The following NRG2 variants were observed in gnomAD, a reference collection of about 807,000 sequenced individuals.
NRG2 encodes the protein pro-neuregulin-2, membrane-bound isoform.
A neutral mutation model predicts 73.9 loss-of-function variants in NRG2; 27 were observed. That is an observed-to-expected ratio of 0.37 (90% confidence interval 0.27 to 0.50). NRG2 has a LOEUF of 0.50. Among genes scored for constraint, NRG2 ranks in the 20% least tolerant of loss-of-function variants. NRG2 has a pLI of 0.96. For missense variants in NRG2, 1,126 were observed against 1,210.1 expected (o/e 0.93, Z 1.03); for synonymous variants, 532 against 541.0 (o/e 0.98, Z 0.23).
chr5:139,885,196 G>A (rs1178644990), intron 2 of NRG2, among the ~76,000 whole-genome samples: 1 of 152,164 alleles, frequency 6.6e-6, no homozygotes, highest in Non-Finnish European at 1.5e-5. Flanking sequence ...AACAGGAGAA[G>A]GTGAAATCAC....
In NRG2 at chr5:140,013,027, T is replaced by C. The variant is rs149019333; in HGVS notation, c.700+29343A>G. Among the ~76,000 whole-genome samples, 6 of 152,298 alleles carry C rather than the reference T, an allele frequency of 3.9e-5. No individual in the cohort carries two copies. The East Asian group carries it at 1.2e-3, about 29-fold the overall frequency. On this transcript the variant is annotated intron_variant, in intron 1 of 9. Coordinates refer to ENST00000361474, the MANE Select transcript of NRG2 (RefSeq NM_004883.3). ...TATTCTATTCACCCACCTACTCTTCTAGATGACTACTTCACACCCTCTTTC... is the reference window on the plus strand; with the variant it reads ...TATTCTATTCACCCACCTACTCTTCCAGATGACTACTTCACACCCTCTTTC...
intron 1 of NRG2, among the ~76,000 whole-genome samples, chr5:139,917,605 T>A (rs1751355268): frequency 6.6e-6 from 1 of 152,234 alleles, no homozygotes; most frequent in Non-Finnish European, 1.5e-5. Context: ...TGAGCATCTT[T>A]TTTTGTACAT....
At chr5:140,018,462 C>T (rs895855709) in intron 1 of NRG2, among the ~76,000 whole-genome samples, 1 of 152,184 alleles carries the variant, frequency 6.6e-6, no homozygotes, top group Admixed American at 6.5e-5. Context: ...CCTGACACAA[C>T]GGTATCTGAT....
At position 139,887,417 on chromosome 5, in the gene NRG2, C is replaced by T. The variant is rs1763936323; in HGVS notation, c.795G>A (p.Gln265=). ...CATCCTTGAACCAACGGTAGGAAGGCTGGGGATTACCGGCTGCTGCCTCAC... is the reference window on the plus strand; with the variant it reads ...CATCCTTGAACCAACGGTAGGAAGGTTGGGGATTACCGGCTGCTGCCTCAC... ...LKCEAAAGNP[Q]PSYRWFKDGK... Residue 265 remains glutamine, a synonymous_variant, in exon 2 of 10, where the codon CAG becomes CAA. Coordinates refer to ENST00000361474, the MANE Select transcript of NRG2 (RefSeq NM_004883.3). The surrounding 1 kb of genome is among the most constrained non-coding windows in gnomAD (Gnocchi z 4.5). The T allele has an allele frequency of 1.2e-6, 2 of 1,614,126 alleles. No homozygotes were observed. Among genetic ancestry groups the T allele is most frequent in the South Asian group, 1.1e-5 (1 of 91,084 alleles).
intron 1 of NRG2, among the ~76,000 whole-genome samples, chr5:139,930,197 G>A (rs1022394873): frequency 6.6e-6 from 1 of 152,186 alleles, no homozygotes; most frequent in Non-Finnish European, 1.5e-5. Context: ...CCAGCCTAAT[G>A]CAGAACTTGT....
intron 1 of NRG2, among the ~76,000 whole-genome samples, chr5:139,938,492 G>A (rs1753013815): frequency 6.6e-6 from 1 of 151,806 alleles, no homozygotes; most frequent in South Asian, 2.1e-4. Context: ...GAGCAGCTAG[G>A]ACTACAGACC....
chr5:139,848,722 G>A (rs1247835770), intron 9 of NRG2, 25 bp from the exon 10 acceptor site: 28 of 1,382,038 alleles, frequency 2.0e-5, no homozygotes, highest in Non-Finnish European at 2.5e-5. Context: ...AGAGGCATGG[G>A]CCAGGGCCAG....
rs1765102782 is a variant in NRG2, at chr5:139,904,483, C to G, written c.701-16972G>C. ...GCCGCCTGCAGCCTCAGTGCCCGAGCGCGGCGCCTTTCTTATAGGCGGTCA... is the reference window on the plus strand; with the variant it reads ...GCCGCCTGCAGCCTCAGTGCCCGAGGGCGGCGCCTTTCTTATAGGCGGTCA... On this transcript the variant is annotated intron_variant, in intron 1 of 9. Coordinates refer to ENST00000361474, the MANE Select transcript of NRG2 (RefSeq NM_004883.3). This position sits in a 1 kb window ranked among gnomAD's most constrained non-coding sequence, Gnocchi z 6.0. 1.3e-6 allele frequency: 1 copy of G among 759,784 alleles called. No homozygotes were observed. The highest frequency in any genetic ancestry group is 1.8e-5 in the African/African-American group (1 of 54,402). The allele number at this position is 759,784 out of a possible 1,614,324, so 47.1% of individuals were successfully genotyped here.
At chr5:139,857,876 C>T (rs1761905574) in intron 5 of NRG2, among the ~76,000 whole-genome samples, 1 of 152,136 alleles carries the variant, frequency 6.6e-6, no homozygotes, top group African/African-American at 2.4e-5. Flanking sequence ...CTCTGCTTCC[C>T]AAGTAGATCC....
intron 1 of NRG2, among the ~76,000 whole-genome samples, chr5:139,983,957 C>T (rs78010365): frequency 3.3e-5 from 5 of 152,290 alleles, no homozygotes; most frequent in African/African-American, 7.2e-5. Context: ...CACTACCCTG[C>T]GCCAGGATCA....
At chr5:140,010,179 T>G (rs780723215) in intron 1 of NRG2, among the ~76,000 whole-genome samples, 3 of 152,088 alleles carry the variant, frequency 2.0e-5, no homozygotes, top group Non-Finnish European at 4.4e-5. Context: ...GTGCCTGTAA[T>G]CCCAGCTACT....
intron 1 of NRG2, among the ~76,000 whole-genome samples, chr5:139,993,911 C>T (rs62383913): frequency 2.8e-3 from 433 of 152,298 alleles, no homozygotes; most frequent in Non-Finnish European, 4.8e-3. Context: ...AGGTTCACAG[C>T]AGTCATCACT....
intron 1 of NRG2, among the ~76,000 whole-genome samples, chr5:139,964,443 G>C (rs1755333362): frequency 1.3e-5 from 2 of 151,852 alleles, no homozygotes. Flanking sequence ...TCCCAGGCCA[G>C]TCTTATTCTC....
intron 9 of NRG2, among the ~76,000 whole-genome samples, chr5:139,850,574 T>G (rs950371608): frequency 6.6e-6 from 1 of 152,186 alleles, no homozygotes; most frequent in Non-Finnish European, 1.5e-5. Context: ...CAAGGGAATA[T>G]CTGCTCCTCT....
chr5:139,966,711 G>A (rs1755548600), intron 1 of NRG2, among the ~76,000 whole-genome samples: 1 of 152,076 alleles, frequency 6.6e-6, no homozygotes, highest in Non-Finnish European at 1.5e-5. Flanking sequence ...AGGAGAGGCT[G>A]AGAGAGAGAG....
intron 1 of NRG2, among the ~76,000 whole-genome samples, chr5:140,030,876 A>G (rs1561766104): frequency 6.6e-6 from 1 of 152,170 alleles, no homozygotes; most frequent in Non-Finnish European, 1.5e-5. Context: ...TACTTGGCCA[A>G]GACAACTTAA....
Position 139,887,283 on chromosome 5 carries a change from T to C in NRG2, c.872+57A>G. 6.3e-7 allele frequency: 1 copy of C among 1,592,190 alleles called. No homozygotes were observed. Among genetic ancestry groups the C allele is most frequent in the Non-Finnish European group, 8.6e-7 (1 of 1,165,684 alleles). ...GCCTCTGCCCAGTTCAGGCCACTCC[T>C]TCTCGAGAGGAGGGAGGGCAGCTGC... On this transcript the variant is annotated intron_variant, in intron 2 of 9. Coordinates refer to ENST00000361474, the MANE Select transcript of NRG2 (RefSeq NM_004883.3). This position sits in a 1 kb window ranked among gnomAD's most constrained non-coding sequence, Gnocchi z 4.5.
Position 139,996,966 on chromosome 5 carries a change from C to A in NRG2, c.700+45404G>T, listed in dbSNP as rs369169792. Among the ~76,000 whole-genome samples the A allele has an allele frequency of 1.8e-4, 27 of 152,074 alleles. 2 individuals are homozygous for A. The highest frequency in any genetic ancestry group is 6.3e-4 in the African/African-American group (26 of 41,478). On this transcript the variant is annotated intron_variant, in intron 1 of 9. Coordinates refer to ENST00000361474, the MANE Select transcript of NRG2 (RefSeq NM_004883.3). ...GACCAGCCTGGGCAACACAGTGAAACCCTGTCTCTACTAAAAATACAAAAA... is the reference window on the plus strand; with the variant it reads ...GACCAGCCTGGGCAACACAGTGAAAACCTGTCTCTACTAAAAATACAAAAA...
chr5:139,851,667 C>G lies in NRG2; in HGVS notation c.1709G>C (p.Arg570Thr), dbSNP rs1337858453. Reference sequence around the variant, plus strand: ...ATCGTGATAGGGTGGCGCGGTGGCCCTGCGCCGCTCCTCCAGGTTGTAGGC... The same window carrying G: ...ATCGTGATAGGGTGGCGCGGTGGCCGTGCGCCGCTCCTCCAGGTTGTAGGC... ...AAAYNLEERRRATAPPYHDSV... is the reference protein window; with the variant it reads ...AAAYNLEERRTATAPPYHDSV... Residue 570 changes from arginine (R) to threonine (T), a missense_variant, in exon 9 of 10, where the codon AGG (arginine) becomes ACG (threonine). This residue lies in a region of NRG2 where 539 missense variants were observed against 703.2 expected (regional missense o/e 0.77). Transcript: ENST00000361474. The surrounding 1 kb of genome is among the most constrained non-coding windows in gnomAD (Gnocchi z 4.2). 2 of 1,614,116 alleles carry G rather than the reference C, an allele frequency of 1.2e-6. No homozygotes were observed. The highest frequency in any genetic ancestry group is 1.7e-6 in the Non-Finnish European group (2 of 1,180,032).
Sources: allele counts gnomAD v4.1 joint callset (sites outside exome capture counted in the v4.1 genomes callset), GRCh38; gene constraint gnomAD v4.1.1; regional missense constraint gnomAD v4.1.1; non-coding constraint Gnocchi (gnomAD v3.1); transcripts MANE v1.5; gene names NCBI Gene and HGNC (gene_info 2026-07-23, HGNC 2026-07-21).